Variants in ZFP64 observed in about 807,000 individuals in gnomAD.
ZFP64 encodes the protein ZFP64 zinc finger protein.
In ZFP64, 14 loss-of-function variants were observed where a neutral mutation model predicts 51.6. The observed-to-expected ratio is 0.27, with a 90% confidence interval of 0.18 to 0.42. ZFP64 has a LOEUF of 0.42. Ranked by LOEUF, ZFP64 falls within the 10% of genes least tolerant of loss-of-function variation. The probability of loss-of-function intolerance (pLI) is 1.00; values close to 1 mark genes in which losing one functional copy is unlikely to be tolerated. For missense variants in ZFP64, 754 were observed against 906.8 expected (o/e 0.83, Z 2.16); for synonymous variants, 375 against 361.4 (o/e 1.04, Z -0.43).
At chr20:52,166,925 T>A (rs1600789435) in intron 2 of ZFP64, among the ~76,000 whole-genome samples, 2 of 148,148 alleles carry the variant, frequency 1.3e-5, no homozygotes, top group Admixed American at 1.4e-4. Context: ...CTAATTAACA[T>A]TCTTCTCAGC....
At chr20:52,112,554 T>C (rs1978647185) in intron 5 of ZFP64, among the ~76,000 whole-genome samples, 1 of 152,084 alleles carries the variant, frequency 6.6e-6, no homozygotes, top group South Asian at 2.1e-4. Flanking sequence ...ATCAATACAA[T>C]GTTGTTTCTG....
intron 5 of ZFP64, among the ~76,000 whole-genome samples, chr20:52,122,016 G>A (rs572124906): frequency 2.6e-4 from 39 of 152,242 alleles, no homozygotes; most frequent in African/African-American, 9.1e-4. Flanking sequence ...ATGGTTTACT[G>A]AATATTTAAA....
In ZFP64 at chr20:52,153,346, C is replaced by G. The variant is rs759594118; in HGVS notation, c.846G>C (p.Ser282=). 1 of 1,614,198 alleles carries G rather than the reference C, an allele frequency of 6.2e-7. No homozygotes were observed. The highest frequency in any genetic ancestry group is 8.5e-7 in the Non-Finnish European group (1 of 1,180,050). Residue 282 remains serine, a synonymous_variant, in exon 6 of 6, where the codon TCG becomes TCC. Transcript: ENST00000216923. This position sits in a 1 kb window ranked among gnomAD's most constrained non-coding sequence, Gnocchi z 5.1. ...SDLKRHMRVH[S]GEKPFKCEFC... is the part of the protein sequence containing the mutation. Reference sequence around the variant, plus strand: ...ACTCGCACTTGAAAGGCTTCTCCCCCGAGTGCACCCGCATGTGCCTTTTCA... The same window carrying G: ...ACTCGCACTTGAAAGGCTTCTCCCCGGAGTGCACCCGCATGTGCCTTTTCA...
chr20:52,100,182 G>C (rs1411419755), intron 5 of ZFP64, among the ~76,000 whole-genome samples: 2 of 152,054 alleles, frequency 1.3e-5, no homozygotes, highest in Non-Finnish European at 2.9e-5. Flanking sequence ...GTAGAGATGG[G>C]GTTCCACTGT....
intron 8 of ZFP64, chr20:52,088,372 T>A (rs2078886219): frequency 6.2e-7 from 1 of 1,610,046 alleles, no homozygotes; most frequent in Admixed American, 1.7e-5. Context: ...GGGATTGAGG[T>A]TTCCTGGTCA....
At chr20:52,131,919 A>T (rs1979741936) in intron 5 of ZFP64, among the ~76,000 whole-genome samples, 1 of 152,212 alleles carries the variant, frequency 6.6e-6, no homozygotes, top group Non-Finnish European at 1.5e-5. Context: ...CAGAATACAC[A>T]TTCTTTTCCT....
intron 4 of ZFP64, among the ~76,000 whole-genome samples, chr20:52,163,610 A>G (rs147164371): frequency 1.7e-3 from 264 of 152,328 alleles, no homozygotes; most frequent in Admixed American, 3.9e-3. Context: ...TAAGGCACTT[A>G]TTGGTTATGG....
At chr20:52,092,606 T>C (rs1336648131) in intron 7 of ZFP64, among the ~76,000 whole-genome samples, 1 of 152,082 alleles carries the variant, frequency 6.6e-6, no homozygotes, top group African/African-American at 2.4e-5. Context: ...TCCCAACACT[T>C]TGGGAGGCCA....
At chr20:52,180,222 T>C (rs1983514688) in intron 2 of ZFP64, among the ~76,000 whole-genome samples, 1 of 152,222 alleles carries the variant, frequency 6.6e-6, no homozygotes, top group Non-Finnish European at 1.5e-5. Flanking sequence ...GGGGCTGCTT[T>C]CCTCTTTCTC....
chr20:52,092,715 G>T (rs938847862), intron 7 of ZFP64, among the ~76,000 whole-genome samples: 10 of 152,102 alleles, frequency 6.6e-5, no homozygotes, highest in African/African-American at 2.4e-4. Context: ...AATTAGCCAG[G>T]CATGGTGGTG....
rs149934273 is a variant in ZFP64, at chr20:52,162,161, C to T, written c.512-1787G>A. 6.5e-3 allele frequency among the ~76,000 whole-genome samples: 989 copies of T among 151,778 alleles called. 12 individuals are homozygous for T. The highest frequency in any genetic ancestry group is 0.023 in the African/African-American group (947 of 41,396). On this transcript the variant is annotated intron_variant, in intron 4 of 5. Transcript: ENST00000216923. ...AAAAATACAAAAATTAGCTGGGCAT[C>T]GTGGTGGGCACCTGTAATCCCTGCT...
intron 5 of ZFP64, among the ~76,000 whole-genome samples, chr20:52,102,425 C>T (rs1330060153): frequency 6.6e-6 from 1 of 152,112 alleles, no homozygotes; most frequent in Non-Finnish European, 1.5e-5. Flanking sequence ...GAGTCTCTTG[C>T]TCTGTGAGCA....
intron 2 of ZFP64, among the ~76,000 whole-genome samples, chr20:52,175,114 T>C (rs1295556970): frequency 6.6e-6 from 1 of 152,156 alleles, no homozygotes; most frequent in Non-Finnish European, 1.5e-5. Context: ...AAGGATACTA[T>C]CTTTTGTTTT....
chr20:52,087,210 C>A (rs2078874137), intron 8 of ZFP64, among the ~76,000 whole-genome samples: 1 of 152,202 alleles, frequency 6.6e-6, no homozygotes, highest in Non-Finnish European at 1.5e-5. Context: ...CTTTTACTCT[C>A]CTGGCCCCTT....
intron 8 of ZFP64, among the ~76,000 whole-genome samples, chr20:52,086,963 G>A (rs1310766495): frequency 2.0e-5 from 3 of 152,044 alleles, no homozygotes; most frequent in Non-Finnish European, 4.4e-5. Context: ...TTATCTTCTA[G>A]TAACTCCCAC....
At chr20:52,148,748 T>C (rs937600983), downstream of ZFP64, among the ~76,000 whole-genome samples, 1 of 149,270 alleles carries the variant, frequency 6.7e-6, no homozygotes, top group Admixed American at 6.7e-5. Flanking sequence ...CAAGGAGCCA[T>C]TGAAAAACAA....
intron 5 of ZFP64, among the ~76,000 whole-genome samples, chr20:52,112,688 C>T (rs574692130): frequency 1.3e-5 from 2 of 151,290 alleles, no homozygotes; most frequent in Non-Finnish European, 2.9e-5. Context: ...GATGTTGGCT[C>T]ACCGCAGTCT....
chr20:52,191,616 G>A lies in ZFP64; in HGVS notation c.21C>T (p.Gly7=). ...TTTGCACCGAGCCCGCGAAGCTCTC[G>A]CCCTCGCTGCTCGCGTTCATGGCCG... MNASSE[G]ESFAGSVQIP... Residue 7 remains glycine, a synonymous_variant, in exon 1 of 6, where the codon GGC becomes GGT. Transcript: ENST00000216923. The surrounding 1 kb of genome is among the most constrained non-coding windows in gnomAD (Gnocchi z 4.3). The A allele has an allele frequency of 6.3e-7, 1 of 1,589,052 alleles. No homozygotes were observed. Among genetic ancestry groups the A allele is most frequent in the Non-Finnish European group, 8.5e-7 (1 of 1,170,554 alleles).
intron 5 of ZFP64, chr20:52,117,623 G>C (rs1244789172): frequency 1.5e-5 from 7 of 456,190 alleles, no homozygotes; most frequent in Non-Finnish European, 2.2e-5. Flanking sequence ...TGTCTCAAAA[G>C]AAAACAAAAC....
Sources: gnomAD v4.1 joint callset for allele counts (sites outside exome capture counted in the v4.1 genomes callset) on GRCh38, gnomAD v4.1.1 for gene constraint, Gnocchi (gnomAD v3.1) non-coding constraint, MANE v1.5 for transcripts, NCBI Gene and HGNC (gene_info 2026-07-23, HGNC 2026-07-21) for gene names.